The following MGMT variants were observed in gnomAD, a reference collection of about 807,000 sequenced individuals.
MGMT encodes the protein methylated-DNA--protein-cysteine methyltransferase.
MGMT carries 14 observed loss-of-function variants against 15.9 expected under a neutral mutation model. The ratio of observed to expected loss-of-function variants is 0.88; its 90% CI spans 0.58 to 1.37. MGMT has a LOEUF of 1.37. Among genes scored for constraint, MGMT ranks in the 40% most tolerant of loss-of-function variants. MGMT has a pLI of 0.00. For synonymous variants in MGMT, 130 were observed against 118.2 expected, an observed-to-expected ratio of 1.10 and a Z score of -0.65; for missense variants, 282 against 268.1, an observed-to-expected ratio of 1.05 and a Z score of -0.36.
At chr10:129,640,327 G>C (rs1847314184) in intron 2 of MGMT, among the ~76,000 whole-genome samples, 1 of 151,962 alleles carries the variant, frequency 6.6e-6, no homozygotes, top group South Asian at 2.1e-4. Context: ...CAAACTCCTG[G>C]CCTCATCATC....
intron 2 of MGMT, among the ~76,000 whole-genome samples, chr10:129,605,249 T>A (rs1376885849): frequency 6.6e-6 from 1 of 152,262 alleles, no homozygotes; most frequent in East Asian, 1.9e-4. Context: ...AAATGCCATT[T>A]CAAACATAGT....
chr10:129,562,870 G>A lies in MGMT; in HGVS notation c.125+26493G>A, dbSNP rs74160229. ...AGTCCTCAGTTATTTCGTCTTCAGCGACAGATGATCCCCGACTTACCGTGG... is the reference window on the plus strand; with the variant it reads ...AGTCCTCAGTTATTTCGTCTTCAGCAACAGATGATCCCCGACTTACCGTGG... On this transcript the variant is annotated intron_variant, in intron 2 of 4. Transcript: ENST00000651593. 3.5e-3 allele frequency among the ~76,000 whole-genome samples: 529 copies of A among 152,294 alleles called. 5 individuals are homozygous for A. The highest frequency in any genetic ancestry group is 0.012 in the African/African-American group (508 of 41,544).
At chr10:129,762,629 A>G (rs1367325781) in intron 4 of MGMT, among the ~76,000 whole-genome samples, 1 of 152,126 alleles carries the variant, frequency 6.6e-6, no homozygotes, top group African/African-American at 2.4e-5. Flanking sequence ...CTTCATCCTC[A>G]GACAGAATTT....
chr10:129,650,631 T>C (rs1847446400), intron 2 of MGMT, among the ~76,000 whole-genome samples: 1 of 152,202 alleles, frequency 6.6e-6, no homozygotes, highest in African/African-American at 2.4e-5. Flanking sequence ...CACTGCAGTG[T>C]TACCAGTGAG....
intron 1 of MGMT, among the ~76,000 whole-genome samples, chr10:129,506,456 C>G (rs955609020): frequency 6.6e-6 from 1 of 152,098 alleles, no homozygotes; most frequent in Non-Finnish European, 1.5e-5. Context: ...TCCAAGCATC[C>G]CACACCTCCC....
intron 3 of MGMT, among the ~76,000 whole-genome samples, chr10:129,722,211 A>G (rs1848380360): frequency 6.6e-6 from 1 of 152,210 alleles, no homozygotes; most frequent in African/African-American, 2.4e-5. Flanking sequence ...AAGTTTGAGG[A>G]TACAATTTTA....
intron 1 of MGMT, among the ~76,000 whole-genome samples, chr10:129,474,370 C>A (rs1022906108): frequency 1.3e-5 from 2 of 152,142 alleles, no homozygotes; most frequent in Non-Finnish European, 2.9e-5. Context: ...TGGGGTCAAC[C>A]CTGGTGGCTT....
intron 3 of MGMT, among the ~76,000 whole-genome samples, chr10:129,731,146 G>A (rs903680644): frequency 1.1e-4 from 17 of 152,184 alleles, no homozygotes; most frequent in Middle Eastern, 3.4e-3. Flanking sequence ...GTGTTCTGGC[G>A]TGCCCAGGAC....
intron 1 of MGMT, among the ~76,000 whole-genome samples, chr10:129,519,421 A>T (rs1165661653): frequency 6.6e-6 from 1 of 152,034 alleles, no homozygotes; most frequent in Non-Finnish European, 1.5e-5. Flanking sequence ...TTTAGAACAT[A>T]AAATTTCCTG....
intron 2 of MGMT, among the ~76,000 whole-genome samples, chr10:129,546,149 C>T (rs10829605): frequency 0.68 from 104,009 of 152,218 alleles, 36,166 homozygotes; most frequent in East Asian, 0.95. Context: ...TGCCCTGCTC[C>T]GTGTCAGACC....
rs186102542 is a variant in MGMT at position 129,748,101 on chromosome 10, C to T, written c.275-11101C>T. Among the ~76,000 whole-genome samples, 375 of 152,238 alleles carry T rather than the reference C, an allele frequency of 2.5e-3. 2 individuals carry two copies. Among genetic ancestry groups the T allele is most frequent in the African/African-American group, 7.9e-3 (328 of 41,558 alleles). ...TCTCCCCTGCGTACTGCACTCGTCC[C>T]GAAGAAGTTGCTGTACCTAACACAC... On this transcript the variant is annotated intron_variant, in intron 3 of 4. Transcript: ENST00000651593.
At chr10:129,733,937 G>C (rs1208520105) in intron 3 of MGMT, among the ~76,000 whole-genome samples, 1 of 151,970 alleles carries the variant, frequency 6.6e-6, no homozygotes, top group African/African-American at 2.4e-5. Context: ...TTTGGTACCA[G>C]TACCATGCTG....
intron 3 of MGMT, among the ~76,000 whole-genome samples, chr10:129,746,805 T>C (rs1179438729): frequency 3.3e-5 from 5 of 152,222 alleles, no homozygotes; most frequent in Admixed American, 1.3e-4. Flanking sequence ...TTGTAAAATA[T>C]GTTGGCTAGT....
rs773302763 is a variant in MGMT at position 129,556,965 on chromosome 10, C to T, written c.125+20588C>T. On this transcript the variant is annotated intron_variant, in intron 2 of 4. Coordinates refer to ENST00000651593, the MANE Select transcript of MGMT (RefSeq NM_002412.5). The surrounding 1 kb of genome is among the most constrained non-coding windows in gnomAD (Gnocchi z 4.3). ...GTTGAGTGTTCACCGTCTTTCAGAA[C>T]GTTTGTGCGGTGGCGTGTCCCTTCT... Among the ~76,000 whole-genome samples the T allele has an allele frequency of 2.0e-5, 3 of 152,100 alleles. No homozygotes were observed. Among genetic ancestry groups the T allele is most frequent in the Non-Finnish European group, 2.9e-5 (2 of 68,044 alleles).
chr10:129,762,769 G>A (rs1356090680), intron 4 of MGMT, among the ~76,000 whole-genome samples: 1 of 152,180 alleles, frequency 6.6e-6, no homozygotes, highest in Non-Finnish European at 1.5e-5. Flanking sequence ...CCCGAGGCTT[G>A]TTCTGCCCGT....
At chr10:129,508,867 A>G (rs1437866443) in intron 1 of MGMT, among the ~76,000 whole-genome samples, 1 of 151,944 alleles carries the variant, frequency 6.6e-6, no homozygotes, top group African/African-American at 2.4e-5. Context: ...AATTTGGAAA[A>G]CCCCATTAAA....
At chr10:129,601,543 A>G (rs1846821929) in intron 2 of MGMT, among the ~76,000 whole-genome samples, 1 of 152,116 alleles carries the variant, frequency 6.6e-6, no homozygotes, top group African/African-American at 2.4e-5. Context: ...GGCTTCCTGG[A>G]TCCTGCCCCT....
At chr10:129,648,393 C>T (rs1455228482) in intron 2 of MGMT, among the ~76,000 whole-genome samples, 1 of 152,120 alleles carries the variant, frequency 6.6e-6, no homozygotes, top group Non-Finnish European at 1.5e-5. Context: ...CTCCGAGACA[C>T]CATTTTAAAT....
At position 129,770,353 on chromosome 10, in the gene MGMT, G is replaced by A. The variant is rs953144453; in HGVS notation, c.*3356G>A. Among the ~76,000 whole-genome samples, 13 of 152,374 alleles carry A rather than the reference G, an allele frequency of 8.5e-5. No homozygotes were observed. The highest frequency in any genetic ancestry group is 3.1e-4 in the African/African-American group (13 of 41,586). On this transcript the variant is annotated 3_prime_UTR_variant, in exon 5 of 5. Transcript: ENST00000651593. Reference sequence around the variant, plus strand: ...CCTGTGGAGTGGCGGACTCTGGGGAGTAGCTGGTCAGTGAGATTCTCGCAG... The same window carrying A: ...CCTGTGGAGTGGCGGACTCTGGGGAATAGCTGGTCAGTGAGATTCTCGCAG...
Sources: allele counts gnomAD v4.1 joint callset (sites outside exome capture counted in the v4.1 genomes callset), GRCh38; gene constraint gnomAD v4.1.1; non-coding constraint Gnocchi (gnomAD v3.1); transcripts MANE v1.5; gene names NCBI Gene and HGNC (gene_info 2026-07-23, HGNC 2026-07-21).